LARP4B: variants seen among roughly 807,000 people sequenced by gnomAD.
LARP4B encodes La ribonucleoprotein 4B.
LARP4B carries 12 observed loss-of-function variants against 89.8 expected under a neutral mutation model. The ratio of observed to expected loss-of-function variants is 0.13; its 90% confidence interval spans 0.09 to 0.22. The LOEUF (loss-of-function observed/expected upper bound fraction) is 0.22. LARP4B is among the 10% of genes least tolerant of loss of function. The probability of loss-of-function intolerance (pLI) is 1.00; values close to 1 mark genes in which losing one functional copy is unlikely to be tolerated. For missense variants in LARP4B, 757 were observed against 947.7 expected, an observed-to-expected ratio of 0.80 and a Z score of 2.64; for synonymous variants, 367 against 363.3, an observed-to-expected ratio of 1.01 and a Z score of -0.12.
At chr10:884,419 T>C in intron 3 of LARP4B, 28 bp downstream of exon 3, 1 of 1,480,742 alleles carries the variant, frequency 6.8e-7, no homozygotes, top group Non-Finnish European at 9.4e-7. Flanking sequence ...GATTAAAAAA[T>C]CTGTGATTAA....
chr10:917,191 A>C (rs1026334117), intron 1 of LARP4B, among the ~76,000 whole-genome samples: 1 of 152,196 alleles, frequency 6.6e-6, no homozygotes, highest in African/African-American at 2.4e-5. Context: ...TTTTTGTTTG[A>C]AACATTGCTG....
chr10:986,135 A>G, the LARP4B span: 1 of 152,264 alleles, frequency 6.6e-6, no homozygotes, highest in Non-Finnish European at 1.5e-5. Context: ...TTCATCCATC[A>G]GAATTACAGC....
chr10:924,611 A>G (rs1282815040), intron 1 of LARP4B, among the ~76,000 whole-genome samples: 5 of 152,166 alleles, frequency 3.3e-5, no homozygotes, highest in Admixed American at 3.3e-4. Context: ...CCTTGTTCAC[A>G]CTAGTTCCTT....
Position 817,813 on chromosome 10 carries a change from G to A in LARP4B, c.1607C>T (p.Pro536Leu). ...SFELGLSSFPPLPGAAGNLKT... is the reference protein window; with the variant it reads ...SFELGLSSFPLLPGAAGNLKT... ...CAAATTGCCGGCAGCTCCAGGTAAT[G>A]GAGGGAAGCTGGACAGCCCCAGCTC... Residue 536 changes from proline (P) to leucine (L), a missense_variant, in exon 15 of 18, where the codon CCA (proline) becomes CTA (leucine). Pro to Leu is a moderately conservative substitution (Grantham distance 98, BLOSUM62 -3). Transcript: ENST00000316157. 6.2e-7 allele frequency: 1 copy of A among 1,614,174 alleles called. No individual in the cohort carries two copies. Among genetic ancestry groups the A allele is most frequent in the Non-Finnish European group, 8.5e-7 (1 of 1,180,026 alleles).
At chr10:958,277 C>G in the LARP4B span, among the ~76,000 whole-genome samples, 16 of 152,170 alleles carry the variant, frequency 1.1e-4, no homozygotes, top group African/African-American at 3.6e-4. Context: ...GCAAACCTGC[C>G]TCTTCTGGGA....
intron 1 of LARP4B, 124 bp downstream of exon 1, chr10:931,304 C>T (rs1233066416): frequency 6.6e-6 from 1 of 152,386 alleles, no homozygotes; most frequent in Non-Finnish European, 1.5e-5. Flanking sequence ...CGGCCCCGGC[C>T]CAGGCCCGGC....
intron 14 of LARP4B, 156 bp downstream of exon 14, chr10:820,644 G>T: frequency 1.5e-6 from 1 of 680,436 alleles, no homozygotes. Flanking sequence ...TCCTAGGCCA[G>T]CCAGGGTGTC....
intron 3 of LARP4B, among the ~76,000 whole-genome samples, chr10:870,924 C>T (rs967455283): frequency 2.0e-5 from 3 of 152,160 alleles, no homozygotes; most frequent in African/African-American, 4.8e-5. Flanking sequence ...TATTTGCAGT[C>T]GTATACTCGG....
chr10:920,262 A>G (rs1836943458), intron 1 of LARP4B, among the ~76,000 whole-genome samples: 1 of 152,212 alleles, frequency 6.6e-6, no homozygotes, highest in Non-Finnish European at 1.5e-5. Flanking sequence ...TGTATCTCTA[A>G]TTAATTTTAC....
At chr10:983,047 T>C in the LARP4B span, among the ~76,000 whole-genome samples, 1 of 152,256 alleles carries the variant, frequency 6.6e-6, no homozygotes, top group Non-Finnish European at 1.5e-5. Context: ...GAGGGGTTAT[T>C]ACCTTTCTCT....
chr10:847,143 C>G (rs143195986), intron 5 of LARP4B, among the ~76,000 whole-genome samples: 1 of 152,144 alleles, frequency 6.6e-6, no homozygotes, highest in East Asian at 1.9e-4. Context: ...GGAGATGGGA[C>G]AGCAAGCAGA....
At chr10:893,613 C>T (rs994860813) in intron 1 of LARP4B, among the ~76,000 whole-genome samples, 3 of 152,194 alleles carry the variant, frequency 2.0e-5, no homozygotes, top group Non-Finnish European at 4.4e-5. Context: ...GCAGCAGTTC[C>T]TCAGTCTTGC....
the LARP4B span, among the ~76,000 whole-genome samples, chr10:951,183 T>C: frequency 6.6e-6 from 1 of 152,228 alleles, no homozygotes; most frequent in Non-Finnish European, 1.5e-5. Context: ...CCATTAAGTA[T>C]CCTGTTAGCT....
chr10:897,503 GA>G (rs777780509), intron 1 of LARP4B, among the ~76,000 whole-genome samples: 87 of 151,850 alleles, frequency 5.7e-4, no homozygotes, highest in Non-Finnish European at 9.3e-4. Context: ...TAAACAGGAA[GA>G]AAAAAATACA....
chr10:823,275 C>T (rs968246777), intron 13 of LARP4B, among the ~76,000 whole-genome samples: 24 of 152,288 alleles, frequency 1.6e-4, no homozygotes, highest in Admixed American at 3.9e-4. Flanking sequence ...CACTCCCTGC[C>T]GCAGTGCTCA....
the LARP4B span, among the ~76,000 whole-genome samples, chr10:947,365 T>C: frequency 6.6e-6 from 1 of 151,948 alleles, no homozygotes; most frequent in Non-Finnish European, 1.5e-5. Context: ...ATGCTGTGGC[T>C]CTCGGGGGCA....
At position 830,988 on chromosome 10, in the gene LARP4B, T is replaced by C; in HGVS notation, c.751-11A>G. Reference sequence around the variant, plus strand: ...TAGTGCTTCTACTTCCTACAGGAAATAGAGATGTTAGAAATTAATTCTCAA... The same window carrying C: ...TAGTGCTTCTACTTCCTACAGGAAACAGAGATGTTAGAAATTAATTCTCAA... On this transcript the variant is annotated splice_polypyrimidine_tract_variant and intron_variant, in intron 8 of 17. Coordinates refer to ENST00000316157, the MANE Select transcript of LARP4B (RefSeq NM_015155.3). The C allele has an allele frequency of 1.0e-6, 1 of 971,870 alleles. No homozygotes were observed. Among genetic ancestry groups the C allele is most frequent in the Non-Finnish European group, 1.6e-6 (1 of 629,036 alleles). The allele number at this position is 971,870 out of a possible 1,614,324, so 60.2% of individuals were successfully genotyped here. A position where few individuals can be genotyped will look rare whatever the true frequency, so the allele number is the denominator to read the frequency against.
At chr10:856,662 G>C (rs1834317416) in intron 5 of LARP4B, among the ~76,000 whole-genome samples, 2 of 152,322 alleles carry the variant, frequency 1.3e-5, no homozygotes, top group African/African-American at 2.4e-5. Flanking sequence ...CGGGTGAGGG[G>C]TTCCTGCACT....
the LARP4B span, among the ~76,000 whole-genome samples, chr10:985,064 T>C: frequency 6.6e-6 from 1 of 152,144 alleles, no homozygotes; most frequent in Non-Finnish European, 1.5e-5. Context: ...ACGCACCTCA[T>C]TGTGTCTCTC....
Sources: allele counts gnomAD v4.1 joint callset (sites outside exome capture counted in the v4.1 genomes callset), GRCh38; gene constraint gnomAD v4.1.1; transcripts MANE v1.5; gene names NCBI Gene and HGNC (gene_info 2026-07-23, HGNC 2026-07-21).